Variants in TENM2 observed in about 807,000 individuals in gnomAD.
TENM2 encodes teneurin transmembrane protein 2.
A neutral mutation model predicts 245.2 loss-of-function variants in TENM2; 52 were observed. The ratio of observed to expected loss-of-function variants is 0.21; its 90% confidence interval spans 0.17 to 0.27. The LOEUF (loss-of-function observed/expected upper bound fraction) is 0.27. TENM2 is among the 10% of genes least tolerant of loss of function. The pLI is 1.00. For missense variants in TENM2, 3,046 were observed against 3,666.8 expected (o/e 0.83, Z 4.37); for synonymous variants, 1,363 against 1,438.9 (o/e 0.95, Z 1.19).
rs77178114 is a variant in TENM2 at position 167,964,958 on chromosome 5, T to C, written c.947+12136T>C. Reference sequence around the variant, plus strand: ...GCTTTTTGCTTTTAATAATGATAGCTGCCCTATGATAAATGGATTGGGGGG... The same window carrying C: ...GCTTTTTGCTTTTAATAATGATAGCCGCCCTATGATAAATGGATTGGGGGG... On this transcript the variant is annotated intron_variant, in intron 4 of 28. Coordinates refer to ENST00000518659, the Ensembl canonical transcript of TENM2. Among the ~76,000 whole-genome samples, 1,203 of 152,306 alleles carry C rather than the reference T, an allele frequency of 7.9e-3. 16 individuals carry two copies. Among genetic ancestry groups the C allele is most frequent in the African/African-American group, 0.027 (1,132 of 41,570 alleles).
In TENM2 at chr5:168,243,918, T is replaced by G. The variant is rs563163002; in HGVS notation, c.5521-502T>G. On this transcript the variant is annotated intron_variant, in intron 25 of 28. Coordinates refer to ENST00000518659, the Ensembl canonical transcript of TENM2. ...ATTGCATATTGCACCATACAAATAC[T>G]ACCATTTTCTTTTCTTTGGTTTTTT... is the stretch of plus-strand genomic sequence containing the variant. 2.6e-5 allele frequency among the ~76,000 whole-genome samples: 4 copies of G among 151,116 alleles called. No individual in the cohort carries two copies. The East Asian group carries it at 7.8e-4, about 29-fold the overall frequency.
At chr5:168,042,496 A>G (rs1788277063) in intron 5 of TENM2, among the ~76,000 whole-genome samples, 1 of 152,134 alleles carries the variant, frequency 6.6e-6, no homozygotes. Context: ...GGCACCCAGC[A>G]GGGCCCACAC....
intron 2 of TENM2, among the ~76,000 whole-genome samples, chr5:167,779,191 T>A (rs1764013015): frequency 6.6e-6 from 1 of 152,198 alleles, no homozygotes. Context: ...GAGGGTGTTT[T>A]GTGCTGCATG....
chr5:167,062,040 A>T, the TENM2 span, among the ~76,000 whole-genome samples: 1 of 152,218 alleles, frequency 6.6e-6, no homozygotes, highest in Admixed American at 6.6e-5. Context: ...TAACTAAAGT[A>T]AAAGTGGCTT....
intron 2 of TENM2, among the ~76,000 whole-genome samples, chr5:167,380,632 A>C (rs1761044713): frequency 6.6e-6 from 1 of 152,170 alleles, no homozygotes; most frequent in Non-Finnish European, 1.5e-5. Flanking sequence ...ACAATAAATA[A>C]AATGAAGAAC....
At chr5:167,124,048 G>A in the TENM2 span, among the ~76,000 whole-genome samples, 1 of 152,298 alleles carries the variant, frequency 6.6e-6, no homozygotes, top group East Asian at 1.9e-4. Context: ...GACCAGTAGT[G>A]TCTATATGGA....
the TENM2 span, among the ~76,000 whole-genome samples, chr5:167,167,437 T>C: frequency 3.3e-5 from 5 of 152,154 alleles, no homozygotes; most frequent in African/African-American, 4.8e-5. Flanking sequence ...TCCCCTGTCA[T>C]AAACTCAGCT....
At chr5:167,793,813 G>A (rs1765139123) in intron 2 of TENM2, among the ~76,000 whole-genome samples, 1 of 151,334 alleles carries the variant, frequency 6.6e-6, no homozygotes, top group African/African-American at 2.4e-5. Flanking sequence ...TCCAGCCTGG[G>A]TGCAAAACCC....
At chr5:167,181,935 T>C in the TENM2 span, among the ~76,000 whole-genome samples, 1 of 152,212 alleles carries the variant, frequency 6.6e-6, no homozygotes, top group Non-Finnish European at 1.5e-5. Context: ...CCAGGTACTG[T>C]GTGTGGGTAG....
chr5:167,458,503 A>AC (rs899830261), intron 2 of TENM2, among the ~76,000 whole-genome samples: 1 of 141,706 alleles, frequency 7.1e-6, no homozygotes, highest in African/African-American at 2.5e-5. Flanking sequence ...ACAAAAAAAA[A>AC]AAAAAAAAAA....
At chr5:167,988,291 G>T (rs768842993) in intron 4 of TENM2, among the ~76,000 whole-genome samples, 1 of 152,176 alleles carries the variant, frequency 6.6e-6, no homozygotes. Context: ...ATTTAACAAC[G>T]ATTTGTTGAG....
intron 2 of TENM2, among the ~76,000 whole-genome samples, chr5:167,544,297 G>A (rs937412987): frequency 6.6e-6 from 1 of 152,154 alleles, no homozygotes; most frequent in Non-Finnish European, 1.5e-5. Flanking sequence ...TGATACTTAC[G>A]TGGGCTATGA....
At chr5:167,961,706 C>T (rs924982804) in intron 4 of TENM2, among the ~76,000 whole-genome samples, 23 of 152,132 alleles carry the variant, frequency 1.5e-4, no homozygotes, top group African/African-American at 5.3e-4. Context: ...TTTATTATGG[C>T]CATTTAAAGA....
intron 2 of TENM2, among the ~76,000 whole-genome samples, chr5:167,517,683 G>A (rs2127577990): frequency 6.6e-6 from 1 of 152,224 alleles, no homozygotes; most frequent in East Asian, 1.9e-4. Flanking sequence ...TTTTATCTGG[G>A]AACATTTAAA....
At chr5:166,988,650 T>C in the TENM2 span, among the ~76,000 whole-genome samples, 1 of 152,198 alleles carries the variant, frequency 6.6e-6, no homozygotes, top group African/African-American at 2.4e-5. Context: ...TAGAAGGATA[T>C]TGAGAATAAC....
rs148054709 is a variant in TENM2, at chr5:167,931,619, G to A, written c.713-20969G>A. Among the ~76,000 whole-genome samples the A allele has an allele frequency of 8.5e-4, 128 of 151,304 alleles. 1 individual carries two copies. Among genetic ancestry groups the A allele is most frequent in the South Asian group, 7.7e-3 (37 of 4,776 alleles). On this transcript the variant is annotated intron_variant, in intron 3 of 28. Coordinates refer to ENST00000518659, the Ensembl canonical transcript of TENM2. ...GCAGGTGGTGTATCATATGTTCCCC[G>A]GGTGGAGAATGAGCTTCTTGCCTTT...
chr5:167,527,623 A>G (rs1403107725), intron 2 of TENM2, among the ~76,000 whole-genome samples: 2 of 152,054 alleles, frequency 1.3e-5, no homozygotes, highest in Non-Finnish European at 2.9e-5. Flanking sequence ...CTTCTTATTC[A>G]CCTGTGATCT....
intron 2 of TENM2, among the ~76,000 whole-genome samples, chr5:167,744,892 A>G (rs988718711): frequency 4.1e-4 from 63 of 152,340 alleles, no homozygotes; most frequent in Admixed American, 4.0e-3. Context: ...TAGGACCTAT[A>G]GATTTTAATA....
chr5:168,243,395 C>G (rs1328276333), intron 25 of TENM2, among the ~76,000 whole-genome samples: 1 of 152,188 alleles, frequency 6.6e-6, no homozygotes, highest in Non-Finnish European at 1.5e-5. Flanking sequence ...TGTTGGAAAT[C>G]CCCTAGCCCT....
Sources: allele counts gnomAD v4.1 joint callset (sites outside exome capture counted in the v4.1 genomes callset), GRCh38; gene constraint gnomAD v4.1.1; transcripts MANE v1.5; gene names NCBI Gene and HGNC (gene_info 2026-07-23, HGNC 2026-07-21).